Variants in ITLN2 observed in about 807,000 individuals in gnomAD.
The protein encoded by ITLN2 is intelectin-2.
In ITLN2, 29 loss-of-function variants were observed where a neutral mutation model predicts 39.4. The observed-to-expected ratio is 0.74, with a 90% CI of 0.55 to 1.00. ITLN2 has a LOEUF of 1.00. Among genes scored for constraint, ITLN2 ranks in the 50% least tolerant of loss-of-function variants. ITLN2 has a pLI of 0.00. For synonymous variants in ITLN2, 156 were observed against 153.4 expected (o/e 1.02, Z -0.12); for missense variants, 412 against 416.7 (o/e 0.99, Z 0.10).
At chr1:160,946,520 GC>G (rs1268752690) in intron 7 of ITLN2, among the ~76,000 whole-genome samples, 2 of 151,714 alleles carry the variant, frequency 1.3e-5, no homozygotes, top group Non-Finnish European at 2.9e-5. Context: ...GACCATCCTG[GC>G]TAACATAGTG....
At chr1:160,952,313 C>A (rs958965054) in intron 3 of ITLN2, among the ~76,000 whole-genome samples, 1 of 152,124 alleles carries the variant, frequency 6.6e-6, no homozygotes, top group Non-Finnish European at 1.5e-5. Flanking sequence ...GTCTCTGGCT[C>A]GGGAGTTTCA....
At chr1:160,954,219 C>T (rs780893106) in intron 2 of ITLN2, among the ~76,000 whole-genome samples, 168 bp downstream of exon 2, 5 of 152,158 alleles carry the variant, frequency 3.3e-5, no homozygotes, top group Non-Finnish European at 7.4e-5. Flanking sequence ...CAGAAATCAG[C>T]ACCCAGTCCA....
chr1:160,950,233 G>C, intron 5 of ITLN2, 67 bp from the exon 6 acceptor site: 1 of 1,561,124 alleles, frequency 6.4e-7, no homozygotes, highest in Non-Finnish European at 8.8e-7. Context: ...GGGGGGAGGA[G>C]GGGTTTCAAA....
At chr1:160,951,458 G>T in intron 3 of ITLN2, 168 bp from the exon 4 acceptor site, 1 of 831,838 alleles carries the variant, frequency 1.2e-6, no homozygotes. Context: ...CCTATGAGCA[G>T]AGGCACTGAC....
intron 4 of ITLN2, 132 bp from the exon 5 acceptor site, chr1:160,950,843 C>T: frequency 1.4e-6 from 2 of 1,464,848 alleles, no homozygotes; most frequent in Non-Finnish European, 9.3e-7. Flanking sequence ...TCAGACACCC[C>T]ACTCCCAGCT....
At chr1:160,951,508 G>C (rs1671745497) in intron 3 of ITLN2, 1 of 589,534 alleles carries the variant, frequency 1.7e-6, no homozygotes, top group Non-Finnish European at 2.8e-6. Context: ...AGTTTGTAGA[G>C]CAAATAGTCT....
chr1:160,945,512 C>G (rs1367629960), intron 7 of ITLN2, among the ~76,000 whole-genome samples: 1 of 152,162 alleles, frequency 6.6e-6, no homozygotes, highest in Non-Finnish European at 1.5e-5. Context: ...AATGGACAGT[C>G]TGAGGAGCAC....
rs141174603 is a variant in ITLN2, at chr1:160,951,058, C to A, written c.426G>T (p.Thr142=). 7.4e-6 allele frequency: 12 copies of A among 1,614,216 alleles called. No individual in the cohort carries two copies. In the South Asian group the frequency reaches 1.3e-4, roughly 18 times the overall value. Residue 142 remains threonine, a synonymous_variant, in exon 4 of 8, where the codon ACG becomes ACT. Coordinates refer to ENST00000368029, the MANE Select transcript of ITLN2 (RefSeq NM_080878.3). ...TGGCACCAACCTTGTAGTCATCGCT[C>A]GTGGCCGCCTCTGCAGATCCAAAGG... ...YNTFGSAEAA[T]SDDYKNPGYY... is the part of the protein sequence containing the mutation.
At chr1:160,950,407 C>T in intron 5 of ITLN2, 146 bp downstream of exon 5, 1 of 1,080,470 alleles carries the variant, frequency 9.3e-7, no homozygotes, top group Non-Finnish European at 1.3e-6. Context: ...AGAGGCCAGA[C>T]ATGAGTTCAC....
Position 160,951,198 on chromosome 1 carries a change from T to C in ITLN2, c.286A>G (p.Ser96Gly). 6.2e-7 allele frequency: 1 copy of C among 1,614,082 alleles called. No homozygotes were observed. The highest frequency in any genetic ancestry group is 8.5e-7 in the Non-Finnish European group (1 of 1,179,968). ...SGGGGWTLVA[S>G]VHENDMRGKC... is the part of the protein sequence containing the mutation. ...CCACGCATGTCATTCTCGTGCACGC[T>C]GGCCACCAGGGTCCAGCCGCCACCC... The change falls in exon 4 of 8, where the codon AGC becomes GGC. Residue 96 changes from serine (S) to glycine (G), a missense_variant. Transcript: ENST00000368029.
Position 160,947,939 on chromosome 1 carries a change from T to C in ITLN2, c.815A>G (p.Asn272Ser), listed in dbSNP as rs560960305. ...TCCCCAAAAACTCACATGCTCAGTG[T>C]TACAGCCAGTAACTTTTATCCCAGC... ...LCAGIKVTGC[N>S]TEHHCIGGGG... The change falls in exon 7 of 8, where the codon AAC becomes AGC. Residue 272 changes from asparagine (N) to serine (S), a missense_variant. Transcript: ENST00000368029. 333 of 1,613,182 alleles carry C rather than the reference T, an allele frequency of 2.1e-4. 3 individuals carry two copies. The South Asian group carries it at 3.3e-3, about 16-fold the overall frequency.
intron 7 of ITLN2, 75 bp from the exon 8 acceptor site, chr1:160,945,367 G>A (rs1202384359): frequency 3.7e-5 from 51 of 1,366,340 alleles, no homozygotes; most frequent in South Asian, 3.2e-4. Flanking sequence ...GGCTGGTCTC[G>A]AACTCCAGAC....
At chr1:160,946,035 G>C (rs189942673) in intron 7 of ITLN2, among the ~76,000 whole-genome samples, 1 of 152,088 alleles carries the variant, frequency 6.6e-6, no homozygotes, top group Non-Finnish European at 1.5e-5. Flanking sequence ...AGCCGGGCAC[G>C]GTGACTCATG....
chr1:160,952,820 C>A, intron 2 of ITLN2, 87 bp from the exon 3 acceptor site: 1 of 950,030 alleles, frequency 1.1e-6, no homozygotes, highest in South Asian at 1.4e-5. Context: ...ATCAACTCAT[C>A]ACTCTGCTCT....
At chr1:160,954,040 A>C (rs1171748450) in intron 2 of ITLN2, among the ~76,000 whole-genome samples, 1 of 152,202 alleles carries the variant, frequency 6.6e-6, no homozygotes, top group African/African-American at 2.4e-5. Context: ...CTGATCACCC[A>C]GCTGCCTCTG....
chr1:160,947,304 G>T (rs1671628071), intron 7 of ITLN2, among the ~76,000 whole-genome samples: 1 of 152,170 alleles, frequency 6.6e-6, no homozygotes, highest in African/African-American at 2.4e-5. Flanking sequence ...AGCATATCTC[G>T]CCTCCAGCCA....
At chr1:160,951,431 A>G (rs1671743294) in intron 3 of ITLN2, 141 bp from the exon 4 acceptor site, 22 of 1,145,930 alleles carry the variant, frequency 1.9e-5, no homozygotes, top group Admixed American at 2.8e-5. Flanking sequence ...TGCTCCATGC[A>G]TCTTGTGTTC....
intron 5 of ITLN2, 68 bp downstream of exon 5, chr1:160,950,485 C>T: frequency 6.4e-7 from 1 of 1,553,554 alleles, no homozygotes; most frequent in Non-Finnish European, 8.8e-7. Context: ...ACAGATCTGC[C>T]CCCTACCCTA....
chr1:160,945,064 AG>A lies in ITLN2; in HGVS notation c.*75del. 1 of 1,350,356 alleles carries A rather than the reference AG, an allele frequency of 7.4e-7. No homozygotes were observed. Among genetic ancestry groups the A allele is most frequent in the East Asian group, 2.6e-5 (1 of 38,248 alleles). 83.6% of individuals were successfully genotyped at this position (1,350,356 alleles called of 1,614,324 possible). A position where few individuals can be genotyped will look rare whatever the true frequency, so the allele number is the denominator to read the frequency against. ...GATTTAGTCTCCTCTCCTCCTTGTT[AG>A]AATTCCAGTTTTTCCGTCTCCAAAT... On this transcript the variant is annotated 3_prime_UTR_variant, in exon 8 of 8. Coordinates refer to ENST00000368029, the MANE Select transcript of ITLN2 (RefSeq NM_080878.3).
Sources: allele counts gnomAD v4.1 joint callset (sites outside exome capture counted in the v4.1 genomes callset), GRCh38; gene constraint gnomAD v4.1.1; transcripts MANE v1.5; gene names NCBI Gene and HGNC (gene_info 2026-07-23, HGNC 2026-07-21).